The following VPS13D variants were observed in gnomAD, a reference collection of about 807,000 sequenced individuals.
The protein encoded by VPS13D is vacuolar protein sorting 13 homolog D.
In VPS13D, 187 loss-of-function variants were observed where a neutral mutation model predicts 461.9. That is an observed-to-expected ratio of 0.40 (90% CI 0.36 to 0.46). VPS13D has a LOEUF of 0.46. VPS13D is among the 20% of genes least tolerant of loss of function. The pLI is 0.60. For synonymous variants in VPS13D, 1,951 were observed against 1,986.3 expected (o/e 0.98, Z 0.47); for missense variants, 4,711 against 5,364.9 (o/e 0.88, Z 3.81).
At position 12,381,922 on chromosome 1, in the gene VPS13D, TTTTCTTTCTTTCTTTCTTTCTTTC is replaced by T. The variant is rs35247625; in HGVS notation, c.11191-1016_11191-993del. ...TCTTTTTTTCTTTTTCTTTCTTTTC[TTTTCTTTCTTTCTTTCTTTCTTTC>T]TTTCTTTCTTTCTTTCTTTCTTTCT... On this transcript the variant is annotated intron_variant, in intron 57 of 69. Transcript: ENST00000620676. Among the ~76,000 whole-genome samples the T allele has an allele frequency of 2.5e-3, 252 of 101,256 alleles. 2 individuals carry two copies. In the Middle Eastern group the frequency reaches 0.037, roughly 15 times the overall value. 66.4% of individuals were successfully genotyped at this position (101,256 alleles called of 152,430 possible).
Position 12,299,774 on chromosome 1 carries a change from G to A in VPS13D, c.6216+390G>A, listed in dbSNP as rs141543144. 2.0e-5 allele frequency among the ~76,000 whole-genome samples: 3 copies of A among 151,972 alleles called. No homozygotes were observed. Among genetic ancestry groups the A allele is most frequent in the African/African-American group, 4.8e-5 (2 of 41,444 alleles). ...AAAGCATTCCTTCTATAATATAAAC[G>A]TTTTAGACTCTGTGGCTTTTTTCAG... On this transcript the variant is annotated intron_variant, in intron 25 of 69. Transcript: ENST00000620676. The surrounding 1 kb of genome is among the most constrained non-coding windows in gnomAD (Gnocchi z 4.2).
intron 65 of VPS13D, among the ~76,000 whole-genome samples, chr1:12,431,584 A>G (rs1424105452): frequency 6.6e-6 from 1 of 151,408 alleles, no homozygotes; most frequent in Non-Finnish European, 1.5e-5. Flanking sequence ...TTTTTTATCC[A>G]TTTGTGTGTC....
chr1:12,367,505 A>G (rs549166042), intron 52 of VPS13D, among the ~76,000 whole-genome samples: 5 of 152,262 alleles, frequency 3.3e-5, no homozygotes, highest in African/African-American at 7.2e-5. Flanking sequence ...CTTTCATTCA[A>G]TGGTTTAATG....
Position 12,510,387 on chromosome 1 carries a change from C to G in VPS13D, c.*1363C>G, listed in dbSNP as rs1252742713. 6.6e-6 allele frequency: 1 copy of G among 152,172 alleles called. No homozygotes were observed. The highest frequency in any genetic ancestry group is 2.4e-5 in the African/African-American group (1 of 41,438). The allele number at this position is 152,172 out of a possible 1,614,324, so 9.4% of individuals were successfully genotyped here. On this transcript the variant is annotated 3_prime_UTR_variant, in exon 70 of 70. Coordinates refer to ENST00000620676, the MANE Select transcript of VPS13D (RefSeq NM_015378.4). ...ACAACCTTGTCACATGTAGCTGAGT[C>G]TGGGATGACTCAGTGGATCAGTGGA...
chr1:12,384,546 A>T (rs1242079556), intron 58 of VPS13D, among the ~76,000 whole-genome samples: 1 of 152,202 alleles, frequency 6.6e-6, no homozygotes, highest in African/African-American at 2.4e-5. Flanking sequence ...ATCAGAACAA[A>T]GGAAAAAAAA....
chr1:12,423,237 C>T (rs142405999), intron 65 of VPS13D, among the ~76,000 whole-genome samples: 139 of 152,290 alleles, frequency 9.1e-4, no homozygotes, highest in African/African-American at 3.2e-3. Context: ...CCAGATTGGT[C>T]AGGTGACTTT....
At chr1:12,241,612 TCTTGTCAGTTCA>T (rs1640376217) in intron 2 of VPS13D, among the ~76,000 whole-genome samples, 1 of 152,200 alleles carries the variant, frequency 6.6e-6, no homozygotes. Flanking sequence ...CTAGCTGCCC[TCTTGTCAGTTCA>T]CTTTCGGGTT....
intron 67 of VPS13D, among the ~76,000 whole-genome samples, chr1:12,496,514 C>T (rs888784821): frequency 1.3e-5 from 2 of 152,200 alleles, no homozygotes; most frequent in East Asian, 1.9e-4. Context: ...AGTGCTGATT[C>T]GATGTGTAAG....
intron 41 of VPS13D, 134 bp from the exon 42 acceptor site, chr1:12,342,765 T>A: frequency 9.9e-7 from 1 of 1,014,754 alleles, no homozygotes; most frequent in Non-Finnish European, 1.4e-6. Context: ...AGGTCATTCT[T>A]TGTAGCTAGG....
intron 6 of VPS13D, among the ~76,000 whole-genome samples, chr1:12,253,014 C>T (rs974546161): frequency 1.3e-5 from 2 of 151,482 alleles, no homozygotes; most frequent in East Asian, 1.9e-4. Flanking sequence ...CAAAGTTAGC[C>T]GGGCATGGTG....
At chr1:12,490,084 C>T (rs1445127621) in intron 67 of VPS13D, among the ~76,000 whole-genome samples, 2 of 152,176 alleles carry the variant, frequency 1.3e-5, no homozygotes, top group East Asian at 1.9e-4. Context: ...TAATTCATCC[C>T]AGTCTTCTTC....
chr1:12,428,917 G>C (rs529607425), intron 65 of VPS13D, among the ~76,000 whole-genome samples: 29 of 152,354 alleles, frequency 1.9e-4, no homozygotes, highest in African/African-American at 6.7e-4. Context: ...GAGGAAATAA[G>C]TATTGCAGTG....
At chr1:12,481,368 A>G (rs1645713974) in intron 67 of VPS13D, among the ~76,000 whole-genome samples, 1 of 152,110 alleles carries the variant, frequency 6.6e-6, no homozygotes, top group Non-Finnish European at 1.5e-5. Context: ...CTGACCTGAA[A>G]GGGCCTAGCC....
At chr1:12,409,929 G>T (rs1276116043) in intron 63 of VPS13D, 3 of 455,906 alleles carry the variant, frequency 6.6e-6, no homozygotes. Context: ...TTATTCTTGA[G>T]ACTTTTTCTG....
intron 5 of VPS13D, among the ~76,000 whole-genome samples, chr1:12,248,801 A>G (rs1169551833): frequency 6.6e-6 from 1 of 152,248 alleles, no homozygotes; most frequent in Admixed American, 6.5e-5. Context: ...GAAGATATCA[A>G]CAGAGCAAGA....
At chr1:12,240,796 G>A (rs1640326860) in intron 2 of VPS13D, among the ~76,000 whole-genome samples, 1 of 107,848 alleles carries the variant, frequency 9.3e-6, no homozygotes, top group East Asian at 3.2e-4. Flanking sequence ...CTTTCTGTTA[G>A]TCGTAAGGTA....
chr1:12,244,004 T>C (rs1391444256), intron 3 of VPS13D, among the ~76,000 whole-genome samples: 2 of 152,180 alleles, frequency 1.3e-5, no homozygotes, highest in Non-Finnish European at 2.9e-5. Flanking sequence ...GATGTTACTG[T>C]TGATGTGGTA....
intron 65 of VPS13D, among the ~76,000 whole-genome samples, chr1:12,453,280 G>C (rs1645286477): frequency 1.3e-5 from 2 of 152,116 alleles, no homozygotes; most frequent in Non-Finnish European, 2.9e-5. Flanking sequence ...CTTGGTGGGG[G>C]AGTATTATAG....
intron 63 of VPS13D, among the ~76,000 whole-genome samples, chr1:12,412,434 A>G (rs1325836281): frequency 1.3e-5 from 2 of 152,266 alleles, no homozygotes; most frequent in Non-Finnish European, 2.9e-5. Flanking sequence ...AGTAATTAAG[A>G]CAGTGTGGCA....
Sources: gnomAD v4.1 joint callset for allele counts (sites outside exome capture counted in the v4.1 genomes callset) on GRCh38, gnomAD v4.1.1 for gene constraint, Gnocchi (gnomAD v3.1) non-coding constraint, MANE v1.5 for transcripts, NCBI Gene and HGNC (gene_info 2026-07-23, HGNC 2026-07-21) for gene names.